Variants in KLHL13 observed in about 807,000 individuals in gnomAD.
KLHL13 encodes kelch-like protein 13.
In KLHL13, 10 loss-of-function variants were observed where a neutral mutation model predicts 37.1. The observed-to-expected ratio is 0.27, with a 90% CI of 0.17 to 0.46. The LOEUF is 0.46. Among genes scored for constraint, KLHL13 ranks in the 20% least tolerant of loss-of-function variants. The pLI is 1.00. For synonymous variants in KLHL13, 163 were observed against 181.2 expected, an observed-to-expected ratio of 0.90 and a Z score of 0.81; for missense variants, 360 against 509.3, an observed-to-expected ratio of 0.71 and a Z score of 2.82.
In KLHL13 at chrX:118,033,118, G is replaced by A. The variant is rs769394020; in HGVS notation, c.-56+83390C>T. ...AAAAGACCAAATCTGCGTCTGACTG[G>A]TGTACCTGAAAGTGAGGGGGGGGAA... On this transcript the variant is annotated intron_variant, in intron 1 of 6. Coordinates refer to the KLHL13 transcript ENST00000371882. Among the ~76,000 whole-genome samples, 402 of 111,302 alleles carry A rather than the reference G, an allele frequency of 3.6e-3. 5 individuals carry two copies. Among genetic ancestry groups the A allele is most frequent in the African/African-American group, 0.013 (390 of 30,572 alleles).
At chrX:118,103,186 C>T (rs2055309166) in intron 1 of KLHL13, among the ~76,000 whole-genome samples, 1 of 111,774 alleles carries the variant, frequency 8.9e-6, no homozygotes, top group South Asian at 3.8e-4. Flanking sequence ...GTGATGTCAA[C>T]TGTTGAGCTT....
At chrX:118,091,862 T>C (rs2055139979) in intron 1 of KLHL13, among the ~76,000 whole-genome samples, 1 of 111,505 alleles carries the variant, frequency 9.0e-6, no homozygotes, top group Non-Finnish European at 1.9e-5. Context: ...TACTCAGACA[T>C]AAAATGGAAT....
intron 1 of KLHL13, among the ~76,000 whole-genome samples, chrX:117,956,096 G>A (rs2053200597): frequency 9.0e-6 from 1 of 111,444 alleles, no homozygotes; most frequent in Non-Finnish European, 1.9e-5. Flanking sequence ...AGCAATTTCA[G>A]TATCTAGCCA....
chrX:117,930,222 AAGGAAGGAAGGAAGGAAGGG>A (rs1372054043), intron 2 of KLHL13, among the ~76,000 whole-genome samples: 65 of 85,141 alleles, frequency 7.6e-4, no homozygotes, highest in African/African-American at 1.6e-3. Flanking sequence ...AGGAAGAAGG[AAGGAAGGAAGGAAGGAAGGG>A]AGGAAGGAAG....
chrX:117,994,449 G>A (rs766045008), intron 1 of KLHL13, among the ~76,000 whole-genome samples: 1 of 109,851 alleles, frequency 9.1e-6, no homozygotes, highest in East Asian at 2.9e-4. Context: ...ATGGGGTCTC[G>A]CTATGTTGCC....
At chrX:118,067,472 T>C (rs1479929372) in intron 1 of KLHL13, among the ~76,000 whole-genome samples, 2 of 111,626 alleles carry the variant, frequency 1.8e-5, no homozygotes, top group Admixed American at 9.5e-5. Flanking sequence ...TCTTCAATAA[T>C]AACCTTAGCT....
chrX:118,101,336 A>G (rs2055286168), intron 1 of KLHL13, among the ~76,000 whole-genome samples: 1 of 111,706 alleles, frequency 9.0e-6, no homozygotes, highest in South Asian at 3.8e-4. Flanking sequence ...ACCAACAAAC[A>G]TTAAGTAAAC....
chrX:118,040,141 G>A (rs1252644808), intron 1 of KLHL13, among the ~76,000 whole-genome samples: 1 of 111,374 alleles, frequency 9.0e-6, no homozygotes, highest in Non-Finnish European at 1.9e-5. Flanking sequence ...GGAAGGATGA[G>A]TAAAAACAAG....
At chrX:117,965,898 T>C (rs372569434) in intron 1 of KLHL13, among the ~76,000 whole-genome samples, 28 of 111,427 alleles carry the variant, frequency 2.5e-4, no homozygotes, top group Non-Finnish European at 3.0e-4. Context: ...ATTGATGGGA[T>C]GTATCTCAAA....
chrX:118,068,896 C>T (rs967473619), intron 1 of KLHL13, among the ~76,000 whole-genome samples: 2 of 110,640 alleles, frequency 1.8e-5, no homozygotes, highest in African/African-American at 6.6e-5. Context: ...GGTGGAACTG[C>T]TCCACCCACT....
At chrX:117,961,487 A>T (rs1271018277) in intron 1 of KLHL13, among the ~76,000 whole-genome samples, 2 of 112,005 alleles carry the variant, frequency 1.8e-5, no homozygotes, top group Non-Finnish European at 3.8e-5. Context: ...AACCCCAGGA[A>T]TCTGTGGATA....
At chrX:117,995,854 T>C (rs893655405) in intron 1 of KLHL13, among the ~76,000 whole-genome samples, 1 of 111,993 alleles carries the variant, frequency 8.9e-6, no homozygotes, top group Non-Finnish European at 1.9e-5. Context: ...ATATACTATA[T>C]GGCTGAGTAT....
chrX:118,002,522 G>T (rs1295643370), intron 1 of KLHL13, among the ~76,000 whole-genome samples: 1 of 109,170 alleles, frequency 9.2e-6, no homozygotes, highest in Non-Finnish European at 1.9e-5. Flanking sequence ...GAACCTGGGA[G>T]GGGGAGGTTA....
chrX:117,967,125 C>T (rs2053447943), intron 1 of KLHL13, among the ~76,000 whole-genome samples: 1 of 111,512 alleles, frequency 9.0e-6, no homozygotes, highest in South Asian at 3.8e-4. Flanking sequence ...GAACAGGCTA[C>T]CTACAGAATG....
chrX:118,076,077 T>A (rs1349880987), intron 1 of KLHL13, among the ~76,000 whole-genome samples: 1 of 111,727 alleles, frequency 9.0e-6, no homozygotes, highest in Admixed American at 9.5e-5. Context: ...GCACTAGAAA[T>A]TTCAGCATTA....
intron 1 of KLHL13, among the ~76,000 whole-genome samples, chrX:118,044,118 G>T (rs982122897): frequency 2.4e-4 from 27 of 111,615 alleles, no homozygotes; most frequent in African/African-American, 8.8e-4. Flanking sequence ...AAGAAACCAA[G>T]AAAGTAATCC....
chrX:118,054,953 C>A (rs1460044951), intron 1 of KLHL13, among the ~76,000 whole-genome samples: 2 of 49,921 alleles, frequency 4.0e-5, no homozygotes, highest in East Asian at 2.0e-3. Flanking sequence ...AAGTGATTTT[C>A]AAATATGGTA....
intron 1 of KLHL13, among the ~76,000 whole-genome samples, chrX:117,994,598 A>G (rs1333689758): frequency 8.9e-6 from 1 of 111,813 alleles, no homozygotes; most frequent in Admixed American, 9.5e-5. Context: ...CAAACCAAAC[A>G]GGTACCTGGT....
chrX:118,030,018 A>C (rs764245428), intron 1 of KLHL13, among the ~76,000 whole-genome samples: 1 of 110,848 alleles, frequency 9.0e-6, no homozygotes, highest in Non-Finnish European at 1.9e-5. Flanking sequence ...AGTTATGTGA[A>C]GATCTAAAAT....
Sources: gnomAD v4.1 joint callset for allele counts (sites outside exome capture counted in the v4.1 genomes callset) on GRCh38, gnomAD v4.1.1 for gene constraint, MANE v1.5 for transcripts, NCBI Gene and HGNC (gene_info 2026-07-23, HGNC 2026-07-21) for gene names.